The following PRKDC variants were observed in gnomAD, a reference collection of about 807,000 sequenced individuals.
PRKDC encodes DNA-dependent protein kinase catalytic subunit.
PRKDC carries 82 observed loss-of-function variants against 486.9 expected under a neutral mutation model. That is an observed-to-expected ratio of 0.17 (90% CI 0.14 to 0.20). The LOEUF is 0.20. PRKDC is among the 10% of genes least tolerant of loss of function. PRKDC has a pLI of 1.00. For synonymous variants in PRKDC, 1,895 were observed against 1,837.0 expected, an observed-to-expected ratio of 1.03 and a Z score of -0.81; for missense variants, 4,504 against 5,038.2, an observed-to-expected ratio of 0.89 and a Z score of 3.21.
At position 47,913,894 on chromosome 8, in the gene PRKDC, G is replaced by C. The variant is rs1230734850; in HGVS notation, c.2781+7C>G. ...TAAATAATGGGTGAAATGAAAAATA[G>C]AAGTACTTTAGTTTGTCTGTCACTG... On this transcript the variant is annotated splice_region_variant and intron_variant, in intron 24 of 85. Coordinates refer to ENST00000314191, the MANE Select transcript of PRKDC (RefSeq NM_006904.7). 6.3e-7 allele frequency: 1 copy of C among 1,590,870 alleles called. No homozygotes were observed. Among genetic ancestry groups the C allele is most frequent in the African/African-American group, 1.4e-5 (1 of 73,688 alleles).
Position 47,886,088 on chromosome 8 carries a change from G to A in PRKDC, c.4632C>T (p.Gly1544=), listed in dbSNP as rs780434795. ...AGTGGATGACGCTGCCCTGTGAGCT[G>A]CCCAAGGACGCCGTGGACAGCACCG... ...NPAVLSTASL[G]SSQGSVIHFS... Residue 1544 remains glycine (G), a synonymous_variant, in exon 36 of 86, where the codon GGC becomes GGT. Transcript: ENST00000314191. The A allele has an allele frequency of 3.3e-5, 53 of 1,613,460 alleles. No homozygotes were observed. The highest frequency in any genetic ancestry group is 6.7e-5 in the Admixed American group (4 of 60,006).
intron 40 of PRKDC, among the ~76,000 whole-genome samples, chr8:47,874,199 T>A (rs548532704): frequency 6.6e-6 from 1 of 152,106 alleles, no homozygotes; most frequent in Admixed American, 6.5e-5. Context: ...TCTGCCCGCC[T>A]TGGCCTCCCA....
Position 47,799,321 on chromosome 8 carries a change from C to T in PRKDC, c.10186G>A (p.Ala3396Thr). The T allele has an allele frequency of 6.2e-7, 1 of 1,612,776 alleles. No individual in the cohort carries two copies. Residue 3396 changes from alanine to threonine, a missense_variant, in exon 72 of 86, where the codon GCC becomes ACC. By Grantham distance (58) the Ala-to-Thr change is moderately conservative. Coordinates refer to ENST00000314191, the MANE Select transcript of PRKDC (RefSeq NM_006904.7). ...CCACAGCTCCAGGAGGGAGGCTGGG[C>T]CTCCTCCTCAGCCGCCTGCACAGCC... ...SEAVQAAEEE[A>T]QPPSWSCGPA...
intron 7 of PRKDC, among the ~76,000 whole-genome samples, chr8:47,952,105 C>G (rs188180982): frequency 6.6e-6 from 1 of 152,320 alleles, no homozygotes; most frequent in East Asian, 1.9e-4. Flanking sequence ...CCAACAATCA[C>G]AATTCTAAGT....
chr8:47,934,452 T>C (rs2090312134), intron 14 of PRKDC, among the ~76,000 whole-genome samples: 1 of 152,174 alleles, frequency 6.6e-6, no homozygotes, highest in South Asian at 2.1e-4. Context: ...GGAGAATCGC[T>C]TGAACCTTGG....
Position 47,958,364 on chromosome 8 carries a change from T to C in PRKDC, c.155-933A>G, listed in dbSNP as rs1270846404. On this transcript the variant is annotated intron_variant, in intron 1 of 85. Transcript: ENST00000314191. ...TCAGAAAGAAAGCAGCCCTGTCTGGTACTTTGGTTCTAGCTTGGTGAGACC... is the reference window on the plus strand; with the variant it reads ...TCAGAAAGAAAGCAGCCCTGTCTGGCACTTTGGTTCTAGCTTGGTGAGACC... Among the ~76,000 whole-genome samples, 3 of 152,218 alleles carry C rather than the reference T, an allele frequency of 2.0e-5. No homozygotes were observed. In the East Asian group the frequency reaches 5.8e-4, roughly 29 times the overall value.
intron 21 of PRKDC, among the ~76,000 whole-genome samples, chr8:47,925,025 G>A (rs1186108256): frequency 1.3e-5 from 2 of 152,094 alleles, no homozygotes; most frequent in South Asian, 2.1e-4. Flanking sequence ...GTCCCAACAC[G>A]TGGGTGCCTC....
In PRKDC at chr8:47,859,609, A is replaced by T; in HGVS notation, c.6207+2T>A. ...TTCTTTTAGTATGTGAAATGTGATC[A>T]CCCGTCTCCGAAAACGACCAGTGGC... On this transcript the variant is annotated splice_donor_variant, in intron 46 of 85. Coordinates refer to ENST00000314191, the MANE Select transcript of PRKDC (RefSeq NM_006904.7). LOFTEE classifies it high-confidence loss of function. The T allele has an allele frequency of 6.2e-7, 1 of 1,611,878 alleles. No individual in the cohort carries two copies. Among genetic ancestry groups the T allele is most frequent in the Non-Finnish European group, 8.5e-7 (1 of 1,178,822 alleles).
chr8:47,810,483 A>G (rs1210915017), intron 68 of PRKDC, among the ~76,000 whole-genome samples: 1 of 152,214 alleles, frequency 6.6e-6, no homozygotes, highest in Non-Finnish European at 1.5e-5. Context: ...TCCACTGGGG[A>G]TCTTTGAACT....
Position 47,939,810 on chromosome 8 carries a change from C to T in PRKDC, c.967-113G>A, listed in dbSNP as rs191014608. ...CTACTAATGTACTGTTATAGTTACA[C>T]GCAATTGCTTTTAATCATAAAGACC... On this transcript the variant is annotated intron_variant, in intron 10 of 85. Coordinates refer to ENST00000314191, the MANE Select transcript of PRKDC (RefSeq NM_006904.7). 72 of 940,650 alleles carry T rather than the reference C, an allele frequency of 7.7e-5. 1 individual carries two copies. Among genetic ancestry groups the T allele is most frequent in the Admixed American group, 1.9e-4 (6 of 30,944 alleles). The allele number at this position is 940,650 out of a possible 1,614,324, so 58.3% of individuals were successfully genotyped here.
At chr8:47,916,837 G>A (rs550523262) in intron 22 of PRKDC, among the ~76,000 whole-genome samples, 1 of 152,308 alleles carries the variant, frequency 6.6e-6, no homozygotes, top group African/African-American at 2.4e-5. Flanking sequence ...AGAATCAACA[G>A]TGTTCTCCAT....
intron 69 of PRKDC, among the ~76,000 whole-genome samples, chr8:47,806,525 C>G (rs889134915): frequency 1.3e-5 from 2 of 152,218 alleles, no homozygotes; most frequent in African/African-American, 2.4e-5. Context: ...ACTAGAATAT[C>G]ATCCTTTGCC....
At chr8:47,850,769 G>A (rs951005984) in intron 52 of PRKDC, among the ~76,000 whole-genome samples, 11 of 152,324 alleles carry the variant, frequency 7.2e-5, no homozygotes, top group East Asian at 3.9e-4. Flanking sequence ...CACAGGTGCT[G>A]AGGGACATTG....
chr8:47,831,103 C>A (rs2087859333), intron 60 of PRKDC, among the ~76,000 whole-genome samples: 1 of 152,214 alleles, frequency 6.6e-6, no homozygotes, highest in Non-Finnish European at 1.5e-5. Flanking sequence ...CCTCCGGCTG[C>A]CTCTGCTCCC....
intron 1 of PRKDC, chr8:47,959,015 C>A (rs1310240628): frequency 1.3e-5 from 2 of 152,282 alleles, no homozygotes; most frequent in Non-Finnish European, 2.9e-5. Context: ...GGATTACAGG[C>A]ATGAGCCACC....
intron 27 of PRKDC, among the ~76,000 whole-genome samples, chr8:47,901,037 C>T (rs2089672019): frequency 6.6e-6 from 1 of 151,440 alleles, no homozygotes; most frequent in Non-Finnish European, 1.5e-5. Context: ...ACCTGTGGTC[C>T]CAGCTACCTG....
chr8:47,889,671 T>C (rs2089415464), intron 32 of PRKDC, among the ~76,000 whole-genome samples: 2 of 152,234 alleles, frequency 1.3e-5, no homozygotes, highest in African/African-American at 2.4e-5. Context: ...AGTGTGTGTT[T>C]CCTAAGGTAG....
intron 16 of PRKDC, among the ~76,000 whole-genome samples, chr8:47,931,269 G>C (rs958661110): frequency 1.3e-5 from 2 of 152,190 alleles, no homozygotes; most frequent in Admixed American, 1.3e-4. Flanking sequence ...AAATTAAAAT[G>C]TTGCACAAGT....
chr8:47,866,233 T>C (rs918984842), intron 40 of PRKDC, among the ~76,000 whole-genome samples: 1 of 149,528 alleles, frequency 6.7e-6, no homozygotes, highest in Non-Finnish European at 1.5e-5. Context: ...AGAGAGAAGG[T>C]GCTGCCTATA....
Sources: allele counts gnomAD v4.1 joint callset (sites outside exome capture counted in the v4.1 genomes callset), GRCh38; gene constraint gnomAD v4.1.1; transcripts MANE v1.5; gene names NCBI Gene and HGNC (gene_info 2026-07-23, HGNC 2026-07-21).